Variants in ACTA2 observed in about 807,000 individuals in gnomAD.
ACTA2 encodes actin alpha 2, smooth muscle.
Under a neutral mutation model 39.5 loss-of-function variants are expected in ACTA2, and 12 were observed. The observed-to-expected ratio is 0.30, with a 90% CI of 0.19 to 0.49. ACTA2 has a LOEUF of 0.49. ACTA2 is among the 20% of genes least tolerant of loss of function. ACTA2 has a pLI of 0.99. For synonymous variants in ACTA2, 158 were observed against 180.6 expected, an observed-to-expected ratio of 0.88 and a Z score of 1.00; for missense variants, 236 against 498.8, an observed-to-expected ratio of 0.47 and a Z score of 5.02.
intron 1 of ACTA2, among the ~76,000 whole-genome samples, chr10:88,980,569 T>A (rs1264231812): frequency 6.6e-6 from 1 of 152,244 alleles, no homozygotes; most frequent in Non-Finnish European, 1.5e-5. Flanking sequence ...TCCTGCCTAC[T>A]GCTATTCCCT....
At chr10:88,969,016 G>A (rs1846374144) in intron 1 of ACTA2, among the ~76,000 whole-genome samples, 1 of 151,886 alleles carries the variant, frequency 6.6e-6, no homozygotes, top group South Asian at 2.1e-4. Context: ...AATGTGTTTA[G>A]GTAGAAGATC....
At chr10:88,941,746 T>C (rs1450836391) in intron 5 of ACTA2, 39 bp downstream of exon 5, 15 of 1,563,818 alleles carry the variant, frequency 9.6e-6, no homozygotes, top group Non-Finnish European at 1.3e-5. Flanking sequence ...TCTCTGGCAG[T>C]GCGCTCCAAC....
At chr10:88,948,555 A>G (rs1303596285) in intron 2 of ACTA2, 2 of 463,394 alleles carry the variant, frequency 4.3e-6, no homozygotes, top group African/African-American at 2.0e-5. Context: ...GATGATGATA[A>G]TGACTATATT....
intron 1 of ACTA2, chr10:88,973,552 G>C: frequency 2.8e-6 from 1 of 358,868 alleles, no homozygotes. Flanking sequence ...ATGCAATGTT[G>C]TGTTTGTCAC....
chr10:88,985,147 C>G (rs1326123601), intron 1 of ACTA2, among the ~76,000 whole-genome samples: 8 of 152,136 alleles, frequency 5.3e-5, no homozygotes, highest in Admixed American at 5.2e-4. Context: ...TCTATCTGGG[C>G]ATATCATTAC....
At position 88,943,767 on chromosome 10, in the gene ACTA2, C is replaced by G. The variant is rs12242191; in HGVS notation, c.369+30G>C. On this transcript the variant is annotated intron_variant, in intron 4 of 8. Transcript: ENST00000224784. ...CTAACAGAAGTTTCCCCAGACCCCA[C>G]AGTGTTGTGTGCTGGGGTAGCATAC... 48,306 of 1,556,868 alleles carry G rather than the reference C, an allele frequency of 0.031. 2,030 individuals are homozygous for G. Among genetic ancestry groups the G allele is most frequent in the African/African-American group, 0.19 (13,865 of 73,744 alleles).
chr10:88,982,523 CAG>C (rs2133351530), intron 1 of ACTA2, among the ~76,000 whole-genome samples: 1 of 151,970 alleles, frequency 6.6e-6, no homozygotes, highest in South Asian at 2.1e-4. Context: ...ATAAAAAAGG[CAG>C]AGATTCACTG....
intron 2 of ACTA2, 70 bp from the exon 3 acceptor site, chr10:88,947,456 A>G: frequency 6.2e-7 from 1 of 1,603,692 alleles, no homozygotes; most frequent in Admixed American, 1.7e-5. Flanking sequence ...CCAAGCCACA[A>G]AAGGTTAAGT....
At chr10:88,983,886 C>T (rs1425484868) in intron 1 of ACTA2, among the ~76,000 whole-genome samples, 1 of 152,136 alleles carries the variant, frequency 6.6e-6, no homozygotes, top group Non-Finnish European at 1.5e-5. Flanking sequence ...AGTGTCTTTC[C>T]TCAGTGCAAA....
chr10:88,988,712 T>C (rs1225759805), intron 1 of ACTA2, among the ~76,000 whole-genome samples: 1 of 152,168 alleles, frequency 6.6e-6, no homozygotes, highest in Non-Finnish European at 1.5e-5. Flanking sequence ...CAAACTGTTT[T>C]CCCCAGAACA....
chr10:88,960,287 G>A (rs1846205122), intron 1 of ACTA2, among the ~76,000 whole-genome samples: 1 of 152,100 alleles, frequency 6.6e-6, no homozygotes, highest in African/African-American at 2.4e-5. Context: ...GCTGAAGGAG[G>A]CAGAACCACA....
intron 1 of ACTA2, among the ~76,000 whole-genome samples, chr10:88,965,500 C>G (rs1361433475): frequency 6.6e-6 from 1 of 152,154 alleles, no homozygotes; most frequent in African/African-American, 2.4e-5. Flanking sequence ...AACATAAAAG[C>G]CTTGCCCTAT....
intron 1 of ACTA2, among the ~76,000 whole-genome samples, chr10:88,965,514 C>T (rs1040559511): frequency 6.6e-6 from 1 of 152,188 alleles, no homozygotes; most frequent in Non-Finnish European, 1.5e-5. Flanking sequence ...GCCCTATTTT[C>T]CTTAAGCAGC....
intron 1 of ACTA2, among the ~76,000 whole-genome samples, chr10:88,960,160 C>T (rs760981064): frequency 7.9e-5 from 12 of 152,162 alleles, no homozygotes; most frequent in Non-Finnish European, 1.8e-4. Flanking sequence ...GGGAGTTACA[C>T]TTCACCCCCT....
intron 1 of ACTA2, among the ~76,000 whole-genome samples, chr10:88,963,635 A>C: frequency 6.6e-6 from 1 of 152,150 alleles, no homozygotes; most frequent in East Asian, 1.9e-4. Context: ...TAGTGTTGGC[A>C]CGTCTCTGTC....
chr10:88,937,724 C>A (rs1325197023), intron 8 of ACTA2, among the ~76,000 whole-genome samples: 1 of 152,168 alleles, frequency 6.6e-6, no homozygotes, highest in Non-Finnish European at 1.5e-5. Context: ...AAATGTGTTA[C>A]ATGCATGATG....
chr10:88,971,731 C>A lies in ACTA2; in HGVS notation c.-24+19208G>T, dbSNP rs554267753. On this transcript the variant is annotated intron_variant, in intron 1 of 4. Transcript: ENST00000415557. ...GAGTCCTAGCATGTAATGGCTTTAG[C>A]AATTTGTGCAATATCCCTCTTTTTG... 1.5e-4 allele frequency among the ~76,000 whole-genome samples: 23 copies of A among 152,228 alleles called. 1 individual carries two copies. In the South Asian group the frequency reaches 4.8e-3, roughly 32 times the overall value.
intron 1 of ACTA2, among the ~76,000 whole-genome samples, chr10:88,949,938 CA>C (rs1004150710): frequency 2.6e-5 from 4 of 151,988 alleles, no homozygotes; most frequent in African/African-American, 9.7e-5. Context: ...GGTAATAAAA[CA>C]AAATTTTAAA....
At chr10:88,957,276 T>C (rs1372862663), upstream of ACTA2, among the ~76,000 whole-genome samples, 1 of 152,202 alleles carries the variant, frequency 6.6e-6, no homozygotes, top group Non-Finnish European at 1.5e-5. Flanking sequence ...AAGAACTTTA[T>C]TGCATTTTAT....
Sources: allele counts gnomAD v4.1 joint callset (sites outside exome capture counted in the v4.1 genomes callset), GRCh38; gene constraint gnomAD v4.1.1; transcripts MANE v1.5; gene names NCBI Gene and HGNC (gene_info 2026-07-23, HGNC 2026-07-21).